CHN1: variants seen among roughly 807,000 people sequenced by gnomAD.
CHN1 encodes the protein chimerin 1, also known as N-chimaerin.
Under a neutral mutation model 59.5 loss-of-function variants are expected in CHN1, and 37 were observed. That is an observed-to-expected ratio of 0.62 (90% CI 0.48 to 0.82). CHN1 has a LOEUF of 0.82. Ranked by LOEUF, CHN1 falls within the 40% of genes least tolerant of loss-of-function variation. The probability of loss-of-function intolerance (pLI) is 0.00; values close to 1 mark genes in which losing one functional copy is unlikely to be tolerated. For missense variants in CHN1, 469 were observed against 571.0 expected (o/e 0.82, Z 1.82); for synonymous variants, 206 against 200.4 (o/e 1.03, Z -0.24).
chr2:174,933,059 T>C (rs1030913112), intron 3 of CHN1, among the ~76,000 whole-genome samples: 2 of 152,124 alleles, frequency 1.3e-5, no homozygotes, highest in Non-Finnish European at 2.9e-5. Context: ...TGGAAGGCTG[T>C]GGTAATAGAA....
At chr2:174,847,079 T>C in intron 6 of CHN1, 122 bp from the exon 7 acceptor site, 1 of 1,551,776 alleles carries the variant, frequency 6.4e-7, no homozygotes, top group South Asian at 1.2e-5. Flanking sequence ...TTTTGATTTG[T>C]GAACTGCAGC....
At chr2:174,926,464 T>C (rs991323348) in intron 3 of CHN1, among the ~76,000 whole-genome samples, 1 of 152,168 alleles carries the variant, frequency 6.6e-6, no homozygotes, top group Non-Finnish European at 1.5e-5. Context: ...AGCTGAGAAC[T>C]GCATCAAGCA....
chr2:175,004,850 G>A, intron 1 of CHN1, 44 bp downstream of exon 1: 3 of 1,324,492 alleles, frequency 2.3e-6, no homozygotes, highest in Non-Finnish European at 2.9e-6. Context: ...CGAGCCCCGG[G>A]ACGCGGCCCA....
At chr2:174,924,297 A>C (rs1391617528) in intron 3 of CHN1, among the ~76,000 whole-genome samples, 2 of 152,152 alleles carry the variant, frequency 1.3e-5, no homozygotes, top group Non-Finnish European at 2.9e-5. Flanking sequence ...TGCATAACAA[A>C]TCTTACTAAA....
At chr2:174,813,867 T>A (rs901253735) in intron 8 of CHN1, among the ~76,000 whole-genome samples, 1 of 152,200 alleles carries the variant, frequency 6.6e-6, no homozygotes, top group African/African-American at 2.4e-5. Context: ...CTCACAAAAT[T>A]GTTTTGAGAA....
At chr2:174,976,126 C>CAAAAAAAAAA (rs71031078) in intron 1 of CHN1, among the ~76,000 whole-genome samples, 2 of 50,188 alleles carry the variant, frequency 4.0e-5, no homozygotes, top group African/African-American at 1.8e-4. Flanking sequence ...GACTCCGTCT[C>CAAAAAAAAAA]AAAAAAAAAA....
At chr2:174,873,821 C>T (rs766341552) in intron 6 of CHN1, among the ~76,000 whole-genome samples, 33 of 152,140 alleles carry the variant, frequency 2.2e-4, no homozygotes, top group Non-Finnish European at 4.4e-4. Flanking sequence ...ATGTGCCAAG[C>T]ACTGCATTCA....
chr2:174,932,752 C>T (rs1039385753), intron 3 of CHN1, among the ~76,000 whole-genome samples: 3 of 149,702 alleles, frequency 2.0e-5, no homozygotes, highest in Non-Finnish European at 1.5e-5. Context: ...GGCACCTGCC[C>T]TCTGTCTTCC....
At chr2:174,812,235 G>A (rs1685099780) in intron 9 of CHN1, 74 bp downstream of exon 9, 3 of 1,293,078 alleles carry the variant, frequency 2.3e-6, no homozygotes, top group Non-Finnish European at 1.1e-6. Context: ...TGTGCAATGA[G>A]GTACCCAAAA....
intron 7 of CHN1, among the ~76,000 whole-genome samples, chr2:174,838,285 G>A (rs1355765506): frequency 1.3e-5 from 2 of 152,042 alleles, no homozygotes; most frequent in East Asian, 3.9e-4. Context: ...TAGAGACAAG[G>A]TTTCTCCATG....
At chr2:174,897,018 G>T (rs1050888268) in intron 5 of CHN1, among the ~76,000 whole-genome samples, 1 of 152,078 alleles carries the variant, frequency 6.6e-6, no homozygotes, top group African/African-American at 2.4e-5. Context: ...GGAAGCAAAG[G>T]AAGAAAGGGA....
chr2:174,867,287 G>C (rs1001069536), intron 6 of CHN1, among the ~76,000 whole-genome samples: 1 of 151,480 alleles, frequency 6.6e-6, no homozygotes, highest in Non-Finnish European at 1.5e-5. Context: ...TGAGGCATGA[G>C]AATCACCTGA....
At chr2:174,865,209 G>T (rs1343905191) in intron 6 of CHN1, among the ~76,000 whole-genome samples, 1 of 152,198 alleles carries the variant, frequency 6.6e-6, no homozygotes, top group Non-Finnish European at 1.5e-5. Flanking sequence ...CATAAGAGTT[G>T]CAATTCTAGA....
intron 7 of CHN1, among the ~76,000 whole-genome samples, chr2:174,845,270 AGAT>A (rs563559534): frequency 1.5e-4 from 23 of 152,240 alleles, no homozygotes; most frequent in Non-Finnish European, 3.2e-4. Flanking sequence ...ACATCTTTGG[AGAT>A]ATATTTAAGA....
intron 6 of CHN1, among the ~76,000 whole-genome samples, chr2:174,859,196 C>T (rs1201457341): frequency 6.6e-6 from 1 of 152,106 alleles, no homozygotes; most frequent in Non-Finnish European, 1.5e-5. Context: ...CCAGGAGTGG[C>T]TCTCCAAGCT....
chr2:174,932,975 A>C (rs879934182), intron 3 of CHN1, among the ~76,000 whole-genome samples: 2 of 152,210 alleles, frequency 1.3e-5, no homozygotes, highest in Non-Finnish European at 2.9e-5. Context: ...GACATATTCC[A>C]AAGATAGACC....
At chr2:174,832,956 T>A (rs559099745) in intron 7 of CHN1, among the ~76,000 whole-genome samples, 1 of 152,244 alleles carries the variant, frequency 6.6e-6, no homozygotes, top group East Asian at 1.9e-4. Flanking sequence ...AAATAAGGTA[T>A]TATACTCTTA....
Position 174,800,126 on chromosome 2 carries a change from A to C in CHN1, c.1370T>G (p.Ile457Ser). The change falls in exon 13 of 13, where the codon ATT becomes AGT. Residue 457 changes from isoleucine (I) to serine (S), a missense_variant. Physicochemically the swap from Ile to Ser is moderately radical, Grantham distance 142 (BLOSUM62 -2). Coordinates refer to ENST00000409900, the MANE Select transcript of CHN1 (RefSeq NM_001822.7). The stretch of plus-strand genomic sequence containing the variant: ...CCTCAAATTAAAAATTTAAAATAAA[A>C]TGTCTTCGTTTTTGATAAGCAGCTC... ...VVELLIKNED[I>S]LF 6.4e-7 allele frequency: 1 copy of C among 1,573,054 alleles called. No homozygotes were observed.
At chr2:174,811,275 G>A (rs1297210964) in intron 10 of CHN1, 1 of 420,048 alleles carries the variant, frequency 2.4e-6, no homozygotes, top group Admixed American at 4.0e-5. Context: ...GACCAGCCTT[G>A]GATACTCAAA....
Sources: gnomAD v4.1 joint callset for allele counts (sites outside exome capture counted in the v4.1 genomes callset) on GRCh38, gnomAD v4.1.1 for gene constraint, MANE v1.5 for transcripts, NCBI Gene and HGNC (gene_info 2026-07-23, HGNC 2026-07-21) for gene names.